The following EPB41L2 variants were observed in gnomAD, a reference collection of about 807,000 sequenced individuals.
EPB41L2 encodes the protein erythrocyte membrane protein band 4.1 like 2, also known as band 4.1-like protein 2.
A neutral mutation model predicts 113.0 loss-of-function variants in EPB41L2; 43 were observed. That is an observed-to-expected ratio of 0.38 (90% confidence interval 0.30 to 0.49). EPB41L2 has a LOEUF of 0.49. Among genes scored for constraint, EPB41L2 ranks in the 20% least tolerant of loss-of-function variants. The pLI is 0.95. For synonymous variants in EPB41L2, 442 were observed against 436.7 expected, an observed-to-expected ratio of 1.01 and a Z score of -0.15; for missense variants, 1,147 against 1,223.4, an observed-to-expected ratio of 0.94 and a Z score of 0.93.
At chr6:131,040,738 T>A (rs920634298) in intron 1 of EPB41L2, among the ~76,000 whole-genome samples, 43 of 152,318 alleles carry the variant, frequency 2.8e-4, no homozygotes, top group African/African-American at 1.0e-3. Flanking sequence ...GATAACTGCA[T>A]TATGTGGTGC....
chr6:130,896,535 T>C (rs1462092269), intron 8 of EPB41L2, among the ~76,000 whole-genome samples: 1 of 152,228 alleles, frequency 6.6e-6, no homozygotes, highest in Non-Finnish European at 1.5e-5. Context: ...ATGAGCCATC[T>C]CTAGTCTGAA....
intron 1 of EPB41L2, among the ~76,000 whole-genome samples, chr6:130,990,700 A>G (rs1396494415): frequency 6.6e-6 from 1 of 152,242 alleles, no homozygotes; most frequent in Non-Finnish European, 1.5e-5. Flanking sequence ...GCAAGAGTGA[A>G]GGATAGTCTG....
chr6:130,968,629 T>C (rs1775942487), intron 1 of EPB41L2, among the ~76,000 whole-genome samples: 1 of 152,014 alleles, frequency 6.6e-6, no homozygotes, highest in Non-Finnish European at 1.5e-5. Flanking sequence ...ATCCAAATTA[T>C]GGACCCTCCA....
At chr6:130,986,248 T>G (rs1270674212) in intron 1 of EPB41L2, among the ~76,000 whole-genome samples, 1 of 152,052 alleles carries the variant, frequency 6.6e-6, no homozygotes, top group Non-Finnish European at 1.5e-5. Context: ...AAAAAGCATT[T>G]GACAAAAGCC....
intron 1 of EPB41L2, among the ~76,000 whole-genome samples, chr6:130,985,356 G>C (rs1780299440): frequency 6.6e-6 from 1 of 152,106 alleles, no homozygotes; most frequent in Admixed American, 6.6e-5. Context: ...TCCACTGAAA[G>C]CTGTTTTCTT....
intron 1 of EPB41L2, among the ~76,000 whole-genome samples, chr6:131,001,244 G>A (rs1784306827): frequency 6.6e-6 from 1 of 152,124 alleles, no homozygotes; most frequent in African/African-American, 2.4e-5. Context: ...CTTCCATGGT[G>A]AACAAGTTGA....
intron 14 of EPB41L2, chr6:130,876,608 C>T: frequency 1.0e-6 from 1 of 992,534 alleles, no homozygotes; most frequent in South Asian, 1.5e-5. Context: ...AATCTTATGG[C>T]TGTGGATAGA....
In EPB41L2 at chr6:130,880,192, T is replaced by C; in HGVS notation, c.1848A>G (p.Arg616=). ...QLIEGKKNSL[R]VEGDNIYVRH... is the part of the protein sequence containing the mutation. Reference sequence around the variant, plus strand: ...TGACATAAATATTATCCCCTTCTACTCTCAAGGAATTTTTCTGTGAAATTA... The same window carrying C: ...TGACATAAATATTATCCCCTTCTACCCTCAAGGAATTTTTCTGTGAAATTA... Residue 616 remains arginine, a synonymous_variant, in exon 13 of 20, where the codon AGA becomes AGG. Transcript: ENST00000337057. The C allele has an allele frequency of 6.2e-7, 1 of 1,609,070 alleles. No homozygotes were observed. Among genetic ancestry groups the C allele is most frequent in the Non-Finnish European group, 8.5e-7 (1 of 1,175,752 alleles).
intron 5 of EPB41L2, among the ~76,000 whole-genome samples, chr6:130,907,503 T>C (rs1362505207): frequency 6.6e-6 from 1 of 152,200 alleles, no homozygotes; most frequent in African/African-American, 2.4e-5. Flanking sequence ...TGCCTGGGAC[T>C]GGTTCCAGCT....
chr6:130,908,809 T>C lies in EPB41L2; in HGVS notation c.853+12A>G, dbSNP rs2128510456. The C allele has an allele frequency of 6.3e-7, 1 of 1,587,054 alleles. No homozygotes were observed. Among genetic ancestry groups the C allele is most frequent in the East Asian group, 2.2e-5 (1 of 44,608 alleles). ...CACCTTAACTTCAAAGAATGATTAT[T>C]TATATACTTACTTCTCAGTTGTCTC... On this transcript the variant is annotated intron_variant, in intron 5 of 19. Transcript: ENST00000337057.
chr6:130,932,115 A>G lies in EPB41L2; in HGVS notation c.706-5406T>C, dbSNP rs921893530. ...GCTCTAAAATAATAATTGATTTTAA[A>G]TATGATTTTAAAGTTTTCCATTATC... On this transcript the variant is annotated intron_variant, in intron 3 of 19. Coordinates refer to ENST00000337057, the MANE Select transcript of EPB41L2 (RefSeq NM_001431.4). 3.3e-5 allele frequency among the ~76,000 whole-genome samples: 5 copies of G among 152,198 alleles called. No individual in the cohort carries two copies. The South Asian group carries it at 6.2e-4, about 19-fold the overall frequency.
At chr6:131,024,312 T>C (rs537325479) in intron 1 of EPB41L2, among the ~76,000 whole-genome samples, 4 of 152,148 alleles carry the variant, frequency 2.6e-5, no homozygotes, top group Non-Finnish European at 5.9e-5. Context: ...TTGATATCAC[T>C]CGTGTGTTGG....
intron 1 of EPB41L2, among the ~76,000 whole-genome samples, chr6:131,014,435 G>T (rs1431184148): frequency 1.3e-5 from 2 of 152,140 alleles, no homozygotes; most frequent in African/African-American, 4.8e-5. Flanking sequence ...AGAACACAAG[G>T]AAGTCCAAAT....
intron 1 of EPB41L2, among the ~76,000 whole-genome samples, chr6:131,025,844 C>T (rs1372180266): frequency 6.6e-6 from 1 of 152,200 alleles, no homozygotes; most frequent in East Asian, 1.9e-4. Context: ...TGCCAGCAAT[C>T]TTGGTCCACT....
At chr6:130,999,195 CCT>C (rs1215085659) in intron 1 of EPB41L2, among the ~76,000 whole-genome samples, 1 of 152,110 alleles carries the variant, frequency 6.6e-6, no homozygotes, top group African/African-American at 2.4e-5. Flanking sequence ...GTCCCCTACC[CCT>C]CTTTCAGAGC....
intron 19 of EPB41L2, among the ~76,000 whole-genome samples, chr6:130,854,984 G>T (rs1392233314): frequency 6.6e-6 from 1 of 152,090 alleles, no homozygotes; most frequent in Non-Finnish European, 1.5e-5. Context: ...GTTGCAGTGG[G>T]TTGAGATCAC....
At chr6:131,018,452 G>T (rs190127881) in intron 1 of EPB41L2, among the ~76,000 whole-genome samples, 6 of 152,224 alleles carry the variant, frequency 3.9e-5, no homozygotes, top group Admixed American at 1.3e-4. Flanking sequence ...GAGGTAGGCA[G>T]CTAGCAATGT....
chr6:130,955,894 A>T (rs1817288673), intron 2 of EPB41L2, 100 bp downstream of exon 2: 1 of 1,512,004 alleles, frequency 6.6e-7, no homozygotes, highest in Non-Finnish European at 8.8e-7. Flanking sequence ...GCAGTATCTC[A>T]GTACAAGAAA....
Position 130,951,965 on chromosome 6 carries a change from G to A in EPB41L2, c.705+3140C>T, listed in dbSNP as rs72983776. Among the ~76,000 whole-genome samples the A allele has an allele frequency of 8.3e-3, 1,269 of 152,228 alleles. 7 individuals carry two copies. Among genetic ancestry groups the A allele is most frequent in the Non-Finnish European group, 0.013 (851 of 68,026 alleles). Reference sequence around the variant, plus strand: ...AAAAGAGCCATAACAAACCCACCAAGCACATGTAACATGAGCAAGAAATAA... The same window carrying A: ...AAAAGAGCCATAACAAACCCACCAAACACATGTAACATGAGCAAGAAATAA... On this transcript the variant is annotated intron_variant, in intron 3 of 19. Coordinates refer to ENST00000337057, the MANE Select transcript of EPB41L2 (RefSeq NM_001431.4).
Sources: allele counts gnomAD v4.1 joint callset (sites outside exome capture counted in the v4.1 genomes callset), GRCh38; gene constraint gnomAD v4.1.1; transcripts MANE v1.5; gene names NCBI Gene and HGNC (gene_info 2026-07-23, HGNC 2026-07-21).